Variants in PRIM2 observed in about 807,000 individuals in gnomAD.
PRIM2 encodes DNA primase subunit 2, also known as DNA primase large subunit.
In PRIM2, 39 loss-of-function variants were observed where a neutral mutation model predicts 67.3. That is an observed-to-expected ratio of 0.58 (90% CI 0.45 to 0.76). The LOEUF (loss-of-function observed/expected upper bound fraction) is 0.76. Among genes scored for constraint, PRIM2 ranks in the 30% least tolerant of loss-of-function variants. The probability of loss-of-function intolerance (pLI) is 0.00; values close to 1 mark genes in which losing one functional copy is unlikely to be tolerated. For missense variants in PRIM2, 398 were observed against 598.7 expected (o/e 0.66, Z 3.50); for synonymous variants, 143 against 198.7 (o/e 0.72, Z 2.36).
At chr6:57,599,311 C>T (rs1776421530) in intron 10 of PRIM2, among the ~76,000 whole-genome samples, 1 of 141,784 alleles carries the variant, frequency 7.1e-6, no homozygotes, top group Admixed American at 7.2e-5. Flanking sequence ...TTGAATATAG[C>T]CCACATTCTT....
intron 13 of PRIM2, among the ~76,000 whole-genome samples, chr6:57,637,544 C>T (rs1184549156): frequency 2.0e-5 from 3 of 151,972 alleles, no homozygotes; most frequent in African/African-American, 7.3e-5. Flanking sequence ...CTAGAATAAC[C>T]AGTTTAGAGA....
chr6:57,243,276 T>G, the PRIM2 span, among the ~76,000 whole-genome samples: 1 of 152,132 alleles, frequency 6.6e-6, no homozygotes, highest in Non-Finnish European at 1.5e-5. Flanking sequence ...ATAAGGAGTG[T>G]TTGTGTGCTA....
intron 5 of PRIM2, among the ~76,000 whole-genome samples, chr6:57,374,603 T>G (rs1385140985): frequency 7.1e-6 from 1 of 141,470 alleles, no homozygotes; most frequent in East Asian, 2.2e-4. Flanking sequence ...TATTTATTTA[T>G]TTTTTGAGAC....
At chr6:57,520,223 A>T (rs1774583009) in intron 8 of PRIM2, among the ~76,000 whole-genome samples, 1 of 152,196 alleles carries the variant, frequency 6.6e-6, no homozygotes, top group Non-Finnish European at 1.5e-5. Context: ...GTGAGGGGAT[A>T]ATCCTAGAAT....
intron 5 of PRIM2, among the ~76,000 whole-genome samples, chr6:57,353,400 G>A (rs1157348924): frequency 6.6e-6 from 1 of 152,062 alleles, no homozygotes; most frequent in Non-Finnish European, 1.5e-5. Flanking sequence ...TGTTTAGAAA[G>A]GATAACTTAC....
chr6:57,610,941 T>TA (rs1183125412), intron 12 of PRIM2, among the ~76,000 whole-genome samples: 1 of 152,174 alleles, frequency 6.6e-6, no homozygotes, highest in Non-Finnish European at 1.5e-5. Flanking sequence ...TCTAGGTCTT[T>TA]AAAATCCATT....
chr6:57,542,958 T>TTTTTTTTTTTTTTTTTTTTTTTTA, intron 10 of PRIM2, among the ~76,000 whole-genome samples: 1 of 132,408 alleles, frequency 7.6e-6, no homozygotes, highest in South Asian at 2.4e-4. Flanking sequence ...TTTTTTTTTT[T>TTTTTTTTTTTTTTTTTTTTTTTTA]GAGACGGAGT....
chr6:57,590,095 A>C (rs1776260079), intron 10 of PRIM2, among the ~76,000 whole-genome samples: 2 of 152,224 alleles, frequency 1.3e-5, no homozygotes, highest in South Asian at 4.1e-4. Context: ...CTGGGCCTCT[A>C]ATCCAGCTTC....
At chr6:57,301,042 G>C in the PRIM2 span, among the ~76,000 whole-genome samples, 2 of 152,338 alleles carry the variant, frequency 1.3e-5, no homozygotes, top group African/African-American at 4.8e-5. Flanking sequence ...ACGGTCCTAA[G>C]AACAGGATGC....
At position 57,474,240 on chromosome 6, in the gene PRIM2, T is replaced by C. The variant is rs1397206982; in HGVS notation, c.694-33147T>C. Among the ~76,000 whole-genome samples the C allele has an allele frequency of 9.2e-5, 10 of 109,280 alleles. No homozygotes were observed. The East Asian group carries it at 3.0e-3, about 33-fold the overall frequency. The allele number at this position is 109,280 out of a possible 152,430, so 71.7% of individuals were successfully genotyped here. A position where few individuals can be genotyped will look rare whatever the true frequency, so the allele number is the denominator to read the frequency against. ...CCCAGGCTGGAGTGCAGTGGCGCCA[T>C]CTTGGCTCACTGCAAGCTCCGCCTC... On this transcript the variant is annotated intron_variant, in intron 7 of 13. Transcript: ENST00000615550.
chr6:57,261,741 G>T, the PRIM2 span, among the ~76,000 whole-genome samples: 13 of 152,208 alleles, frequency 8.5e-5, no homozygotes, highest in Admixed American at 7.9e-4. Flanking sequence ...GGAAAGGTTG[G>T]GTTATTTTTC....
chr6:57,273,486 T>G, the PRIM2 span, among the ~76,000 whole-genome samples: 1 of 152,226 alleles, frequency 6.6e-6, no homozygotes, highest in Non-Finnish European at 1.5e-5. Context: ...ATCACATCCT[T>G]TAAGGACTTC....
Position 57,398,574 on chromosome 6 carries a change from C to T in PRIM2, c.693+16406C>T, listed in dbSNP as rs553381009. On this transcript the variant is annotated intron_variant, in intron 7 of 13. Coordinates refer to ENST00000615550, the MANE Select transcript of PRIM2 (RefSeq NM_000947.5). ...GATATTTTATGTCCAATTATGTGGT[C>T]GCTTTTAGAGCATTTGCTGTGTGGT... Among the ~76,000 whole-genome samples the T allele has an allele frequency of 8.5e-5, 13 of 152,130 alleles. No individual in the cohort carries two copies. In the South Asian group the frequency reaches 1.5e-3, roughly 17 times the overall value.
chr6:57,276,977 A>T, the PRIM2 span, among the ~76,000 whole-genome samples: 2 of 151,992 alleles, frequency 1.3e-5, no homozygotes, highest in Non-Finnish European at 2.9e-5. Flanking sequence ...GGAGAATAAG[A>T]AAAAGGAGAG....
chr6:57,442,217 G>T (rs984387227), intron 7 of PRIM2, among the ~76,000 whole-genome samples: 3 of 152,126 alleles, frequency 2.0e-5, no homozygotes. Context: ...TAACTTGATT[G>T]AATTCATGTC....
At chr6:57,358,031 G>A (rs981697) in intron 5 of PRIM2, among the ~76,000 whole-genome samples, 1 of 152,060 alleles carries the variant, frequency 6.6e-6, no homozygotes, top group African/African-American at 2.4e-5. Context: ...GGTACTTAAT[G>A]TATGTTGGTT....
chr6:57,523,862 GTGGTACAT>G (rs1774683139), intron 8 of PRIM2, among the ~76,000 whole-genome samples: 1 of 152,110 alleles, frequency 6.6e-6, no homozygotes, highest in Non-Finnish European at 1.5e-5. Flanking sequence ...ATTGATATTC[GTGGTACAT>G]TGAACAGGAC....
chr6:57,456,211 C>G (rs4715692), intron 7 of PRIM2, among the ~76,000 whole-genome samples: 2 of 152,114 alleles, frequency 1.3e-5, no homozygotes, highest in Non-Finnish European at 2.9e-5. Flanking sequence ...CTCTGGCTGC[C>G]CTTAACATTG....
chr6:57,447,225 A>G (rs1240828134), intron 7 of PRIM2, among the ~76,000 whole-genome samples: 7 of 152,248 alleles, frequency 4.6e-5, no homozygotes, highest in Non-Finnish European at 1.0e-4. Context: ...GGAGACTGAC[A>G]TATGATATTT....
Sources: gnomAD v4.1 joint callset for allele counts (sites outside exome capture counted in the v4.1 genomes callset) on GRCh38, gnomAD v4.1.1 for gene constraint, MANE v1.5 for transcripts, NCBI Gene and HGNC (gene_info 2026-07-23, HGNC 2026-07-21) for gene names.